Variants in GALNT13 observed in about 807,000 individuals in gnomAD.
GALNT13 encodes UDP-GalNAc:polypeptide N-acetylgalactosaminyltransferase 13.
Under a neutral mutation model 64.2 loss-of-function variants are expected in GALNT13, and 28 were observed. The ratio of observed to expected loss-of-function variants is 0.44; its 90% confidence interval spans 0.32 to 0.60. The LOEUF (loss-of-function observed/expected upper bound fraction) is 0.60, where lower values mean the gene tolerates loss of function less well. Among genes scored for constraint, GALNT13 ranks in the 20% least tolerant of loss-of-function variants. The probability of loss-of-function intolerance (pLI) is 0.05; values close to 1 mark genes in which losing one functional copy is unlikely to be tolerated. For missense variants in GALNT13, 577 were observed against 669.8 expected (o/e 0.86, Z 1.53); for synonymous variants, 214 against 224.6 (o/e 0.95, Z 0.42).
intron 4 of GALNT13, among the ~76,000 whole-genome samples, chr2:154,155,156 G>A (rs1364526248): frequency 6.6e-6 from 1 of 151,832 alleles, no homozygotes; most frequent in African/African-American, 2.4e-5. Flanking sequence ...TAAAAGATGT[G>A]TACCAGAGAT....
the GALNT13 span, among the ~76,000 whole-genome samples, chr2:153,551,674 A>G: frequency 6.6e-6 from 1 of 152,184 alleles, no homozygotes; most frequent in Admixed American, 6.5e-5. Context: ...GCAACTAAAA[A>G]TGTTACCATT....
chr2:153,592,650 C>T, the GALNT13 span, among the ~76,000 whole-genome samples: 2 of 152,122 alleles, frequency 1.3e-5, no homozygotes, highest in Non-Finnish European at 2.9e-5. Context: ...AATGTACACA[C>T]ATTGATGTAA....
intron 4 of GALNT13, among the ~76,000 whole-genome samples, chr2:154,200,332 A>C (rs948435903): frequency 1.3e-5 from 2 of 152,100 alleles, no homozygotes; most frequent in Admixed American, 1.3e-4. Context: ...ATTAAGGGGA[A>C]TATCCCACCA....
chr2:154,115,401 C>T (rs189884370), intron 3 of GALNT13, among the ~76,000 whole-genome samples: 1 of 152,026 alleles, frequency 6.6e-6, no homozygotes, highest in African/African-American at 2.4e-5. Flanking sequence ...GTGCTGCACC[C>T]ATTAACTAAC....
chr2:154,334,398 C>T (rs201931240), intron 9 of GALNT13, among the ~76,000 whole-genome samples: 1 of 98,086 alleles, frequency 1.0e-5, no homozygotes, highest in Non-Finnish European at 2.6e-5. Flanking sequence ...AATCAATAGA[C>T]AGCCTTTAAA....
At chr2:153,223,575 C>A in the GALNT13 span, among the ~76,000 whole-genome samples, 1 of 151,962 alleles carries the variant, frequency 6.6e-6, no homozygotes. Context: ...CAAAACAGTT[C>A]TAAGAACAGG....
At chr2:154,381,652 T>G (rs1698278234) in intron 9 of GALNT13, among the ~76,000 whole-genome samples, 1 of 152,070 alleles carries the variant, frequency 6.6e-6, no homozygotes, top group African/African-American at 2.4e-5. Context: ...AAACCTAGTT[T>G]CCAATGTGGG....
the GALNT13 span, among the ~76,000 whole-genome samples, chr2:153,464,570 G>A: frequency 6.6e-6 from 1 of 151,994 alleles, no homozygotes; most frequent in African/African-American, 2.4e-5. Context: ...CAAAATAAAG[G>A]CCACTCTGAG....
intron 9 of GALNT13, among the ~76,000 whole-genome samples, chr2:154,392,038 G>T (rs707050): frequency 0.27 from 41,349 of 151,996 alleles, 6,031 homozygotes; most frequent in African/African-American, 0.37. Flanking sequence ...CAGAAAAAAA[G>T]AAGTATAAAG....
At chr2:153,744,917 A>G in the GALNT13 span, among the ~76,000 whole-genome samples, 3 of 152,156 alleles carry the variant, frequency 2.0e-5, no homozygotes, top group African/African-American at 7.2e-5. Context: ...GTGGAAGTCC[A>G]GGTAGGGACA....
chr2:153,942,851 T>C (rs1691435047), intron 2 of GALNT13, among the ~76,000 whole-genome samples: 1 of 151,904 alleles, frequency 6.6e-6, no homozygotes, highest in Non-Finnish European at 1.5e-5. Context: ...GAATTTCTGT[T>C]GCTTTATGGT....
chr2:154,080,988 A>G (rs1701243685), intron 3 of GALNT13, among the ~76,000 whole-genome samples: 1 of 151,502 alleles, frequency 6.6e-6, no homozygotes, highest in Admixed American at 6.6e-5. Context: ...CCCATGTTGC[A>G]TAGTCACACT....
At chr2:153,439,915 C>G in the GALNT13 span, among the ~76,000 whole-genome samples, 1 of 152,174 alleles carries the variant, frequency 6.6e-6, no homozygotes, top group African/African-American at 2.4e-5. Flanking sequence ...GTCGCTCACG[C>G]TGGGAGCTGC....
At chr2:153,521,522 C>T in the GALNT13 span, among the ~76,000 whole-genome samples, 18,128 of 152,152 alleles carry the variant, frequency 0.12, 1,397 homozygotes, top group South Asian at 0.24. Flanking sequence ...TTATAATTGA[C>T]GAACCCACAA....
the GALNT13 span, among the ~76,000 whole-genome samples, chr2:153,221,457 C>A: frequency 6.6e-6 from 1 of 152,158 alleles, no homozygotes; most frequent in Non-Finnish European, 1.5e-5. Context: ...TAATTCTAGA[C>A]AAAACAGCCT....
At chr2:154,080,242 G>A (rs1400538484) in intron 3 of GALNT13, among the ~76,000 whole-genome samples, 1 of 151,554 alleles carries the variant, frequency 6.6e-6, no homozygotes, top group African/African-American at 2.4e-5. Flanking sequence ...ATGAGCTGGA[G>A]TACGGCTACT....
the GALNT13 span, among the ~76,000 whole-genome samples, chr2:153,670,210 C>T: frequency 5.9e-5 from 9 of 152,156 alleles, no homozygotes; most frequent in Admixed American, 1.3e-4. Context: ...GCATGGCGTT[C>T]GAGCTCCGAT....
chr2:154,367,225 T>A (rs1697419165), intron 9 of GALNT13, among the ~76,000 whole-genome samples: 1 of 152,100 alleles, frequency 6.6e-6, no homozygotes, highest in African/African-American at 2.4e-5. Context: ...TAAAAATAAC[T>A]ATCAGGGAAC....
At chr2:153,985,278 G>C (rs1025951) in intron 3 of GALNT13, among the ~76,000 whole-genome samples, 116,209 of 151,892 alleles carry the variant, frequency 0.77, 44,845 homozygotes, top group East Asian at 0.96. Context: ...TACTTAACTC[G>C]TCTTCCCTCC....
Sources: gnomAD v4.1 joint callset for allele counts (sites outside exome capture counted in the v4.1 genomes callset) on GRCh38, gnomAD v4.1.1 for gene constraint, MANE v1.5 for transcripts, NCBI Gene and HGNC (gene_info 2026-07-23, HGNC 2026-07-21) for gene names.